Variants in MAML2 observed in about 807,000 individuals in gnomAD.
MAML2 encodes the protein mastermind-like protein 2.
A neutral mutation model predicts 96.1 loss-of-function variants in MAML2; 22 were observed. That is an observed-to-expected ratio of 0.23 (90% CI 0.16 to 0.33). The LOEUF (loss-of-function observed/expected upper bound fraction) is 0.33, where lower values mean the gene tolerates loss of function less well. Among genes scored for constraint, MAML2 ranks in the 10% least tolerant of loss-of-function variants. The pLI is 1.00. For missense variants in MAML2, 1,367 were observed against 1,392.4 expected (o/e 0.98, Z 0.29); for synonymous variants, 561 against 521.3 (o/e 1.08, Z -1.04).
intron 1 of MAML2, among the ~76,000 whole-genome samples, chr11:96,152,285 T>G (rs1159995362): frequency 6.6e-6 from 1 of 152,232 alleles, no homozygotes; most frequent in Non-Finnish European, 1.5e-5. Flanking sequence ...GTAGACTCAT[T>G]CAGCACTCAC....
At chr11:96,275,364 G>C (rs1338385538) in intron 1 of MAML2, among the ~76,000 whole-genome samples, 1 of 137,050 alleles carries the variant, frequency 7.3e-6, no homozygotes, top group Non-Finnish European at 1.5e-5. Flanking sequence ...TGCAAGCTCT[G>C]CCTCCTGAGT....
At chr11:96,303,966 A>C (rs534669549) in intron 1 of MAML2, among the ~76,000 whole-genome samples, 32 of 152,226 alleles carry the variant, frequency 2.1e-4, no homozygotes, top group Non-Finnish European at 3.8e-4. Flanking sequence ...TATGTAGTGC[A>C]CAATTACTAT....
chr11:96,183,750 G>C (rs1416775777), intron 1 of MAML2, among the ~76,000 whole-genome samples: 39 of 152,004 alleles, frequency 2.6e-4, no homozygotes. Flanking sequence ...AGCAGTCTTA[G>C]GTTTACTGCA....
chr11:96,166,092 G>C (rs559152181), intron 1 of MAML2, among the ~76,000 whole-genome samples: 1 of 146,854 alleles, frequency 6.8e-6, no homozygotes, highest in East Asian at 2.0e-4. Flanking sequence ...CTCTCTCTCT[G>C]TTTCTCTCTC....
intron 2 of MAML2, among the ~76,000 whole-genome samples, chr11:96,058,809 A>T (rs1173018505): frequency 2.0e-5 from 3 of 152,220 alleles, no homozygotes; most frequent in Non-Finnish European, 4.4e-5. Flanking sequence ...GCCAAGTCCT[A>T]TGCCAAGCCC....
chr11:96,141,814 T>G (rs769255669), intron 1 of MAML2, among the ~76,000 whole-genome samples: 1 of 152,204 alleles, frequency 6.6e-6, no homozygotes, highest in Non-Finnish European at 1.5e-5. Flanking sequence ...ACCGCCTCCA[T>G]GTCCACATCG....
At chr11:96,114,175 T>C (rs762059772) in intron 1 of MAML2, among the ~76,000 whole-genome samples, 2 of 152,162 alleles carry the variant, frequency 1.3e-5, no homozygotes, top group African/African-American at 2.4e-5. Flanking sequence ...TACCTTGGCC[T>C]CCCAAAGTGC....
intron 1 of MAML2, among the ~76,000 whole-genome samples, chr11:96,321,590 C>T (rs1343251982): frequency 6.6e-6 from 1 of 152,164 alleles, no homozygotes; most frequent in African/African-American, 2.4e-5. Context: ...ATTATTTGTT[C>T]TCCTAATGGG....
intron 1 of MAML2, among the ~76,000 whole-genome samples, chr11:96,273,550 A>G (rs1862943798): frequency 6.6e-6 from 1 of 151,860 alleles, no homozygotes; most frequent in African/African-American, 2.4e-5. Flanking sequence ...TTTTCTTTCT[A>G]TTGCAAGTTA....
chr11:96,220,883 G>T (rs147137302), intron 1 of MAML2, among the ~76,000 whole-genome samples: 62 of 152,192 alleles, frequency 4.1e-4, no homozygotes, highest in African/African-American at 1.3e-3. Context: ...TTTCTGGGTT[G>T]TTCATTCATC....
chr11:96,132,228 AG>A (rs1860559520), intron 1 of MAML2, among the ~76,000 whole-genome samples: 1 of 152,194 alleles, frequency 6.6e-6, no homozygotes, highest in Admixed American at 6.5e-5. Flanking sequence ...ATGCAAAATG[AG>A]GTGAGGCATT....
chr11:96,289,438 A>G (rs1863181235), intron 1 of MAML2, among the ~76,000 whole-genome samples: 1 of 152,224 alleles, frequency 6.6e-6, no homozygotes, highest in African/African-American at 2.4e-5. Context: ...GCAGAATCCC[A>G]TATAACTCAC....
intron 1 of MAML2, among the ~76,000 whole-genome samples, chr11:96,131,709 T>C (rs1036149956): frequency 7.2e-5 from 11 of 152,146 alleles, no homozygotes; most frequent in Admixed American, 7.2e-4. Context: ...GTGGTGATGG[T>C]TGCACAACTT....
chr11:96,085,269 T>A (rs1859591139), intron 2 of MAML2, among the ~76,000 whole-genome samples: 2 of 152,158 alleles, frequency 1.3e-5, no homozygotes, highest in Non-Finnish European at 2.9e-5. Context: ...ATCCTACTAG[T>A]CTAAACATTT....
intron 1 of MAML2, among the ~76,000 whole-genome samples, chr11:96,142,041 A>G (rs1328985218): frequency 1.3e-5 from 2 of 152,240 alleles, no homozygotes; most frequent in Admixed American, 1.3e-4. Context: ...AGCTAACAGT[A>G]CAATGAAAAG....
At chr11:96,326,337 C>A (rs1023167959) in intron 1 of MAML2, among the ~76,000 whole-genome samples, 3 of 150,504 alleles carry the variant, frequency 2.0e-5, no homozygotes, top group African/African-American at 7.4e-5. Context: ...CACTGGAACT[C>A]TATTTTTAAT....
Position 96,146,516 on chromosome 11 carries a change from T to C in MAML2, c.514-52999A>G, listed in dbSNP as rs551481070. On this transcript the variant is annotated intron_variant, in intron 1 of 4. Transcript: ENST00000524717. ...AAGATATATCACCTGCCAGCTGTTA[T>C]GAGTCTGTTGTCTAACATTTTTGAC... 6.6e-5 allele frequency among the ~76,000 whole-genome samples: 10 copies of C among 152,354 alleles called. No individual in the cohort carries two copies. In the South Asian group the frequency reaches 2.1e-3, roughly 32 times the overall value.
chr11:96,010,961 TC>T (rs1212884622), intron 2 of MAML2, among the ~76,000 whole-genome samples: 3 of 152,366 alleles, frequency 2.0e-5, no homozygotes, highest in South Asian at 4.1e-4. Context: ...ACTGTTTTTT[TC>T]CTCCTTTAAA....
intron 1 of MAML2, among the ~76,000 whole-genome samples, chr11:96,276,729 A>G (rs1038410955): frequency 2.0e-5 from 3 of 151,832 alleles, no homozygotes; most frequent in Non-Finnish European, 2.9e-5. Flanking sequence ...AAAGGCTACT[A>G]AAAAACAGAA....
Sources: gnomAD v4.1 joint callset for allele counts (sites outside exome capture counted in the v4.1 genomes callset) on GRCh38, gnomAD v4.1.1 for gene constraint, MANE v1.5 for transcripts, NCBI Gene and HGNC (gene_info 2026-07-23, HGNC 2026-07-21) for gene names.